The following ADAMTSL1 variants were observed in gnomAD, a reference collection of about 807,000 sequenced individuals.
ADAMTSL1 encodes ADAMTS-like protein 1.
ADAMTSL1 carries 126 observed loss-of-function variants against 201.8 expected under a neutral mutation model. That is an observed-to-expected ratio of 0.62 (90% confidence interval 0.54 to 0.72). The LOEUF (loss-of-function observed/expected upper bound fraction) is 0.72. ADAMTSL1 is among the 30% of genes least tolerant of loss of function. ADAMTSL1 has a pLI of 0.00. For missense variants in ADAMTSL1, 2,679 were observed against 2,277.8 expected (o/e 1.18, Z -3.59); for synonymous variants, 1,121 against 903.4 (o/e 1.24, Z -4.32).
chr9:18,203,463 G>T (rs762249913), intron 2 of ADAMTSL1, among the ~76,000 whole-genome samples: 9 of 151,482 alleles, frequency 5.9e-5, no homozygotes, highest in Non-Finnish European at 1.3e-4. Context: ...GACTAGTATA[G>T]AAAGGCAGGC....
intron 4 of ADAMTSL1, among the ~76,000 whole-genome samples, chr9:18,588,933 A>G (rs1245282262): frequency 6.8e-6 from 1 of 147,418 alleles, no homozygotes; most frequent in East Asian, 2.0e-4. Flanking sequence ...TTTTTGAGAC[A>G]GAGTCTCACT....
chr9:18,130,953 T>C (rs1453083343), intron 1 of ADAMTSL1, among the ~76,000 whole-genome samples: 5 of 152,140 alleles, frequency 3.3e-5, no homozygotes, highest in Non-Finnish European at 7.3e-5. Flanking sequence ...CTCATTTCTA[T>C]TGGAAACTAA....
intron 1 of ADAMTSL1, among the ~76,000 whole-genome samples, chr9:18,059,709 G>A (rs1822365274): frequency 1.3e-5 from 2 of 152,018 alleles, no homozygotes; most frequent in Admixed American, 6.6e-5. Flanking sequence ...ATCTTACCCG[G>A]GAATGTTTGT....
intron 2 of ADAMTSL1, among the ~76,000 whole-genome samples, chr9:18,186,852 C>G (rs1008592434): frequency 1.7e-4 from 26 of 152,020 alleles, no homozygotes; most frequent in Admixed American, 1.6e-3. Flanking sequence ...CACACACACA[C>G]ACACACACAT....
chr9:18,062,133 C>G (rs1216170157), intron 1 of ADAMTSL1, among the ~76,000 whole-genome samples: 1 of 152,188 alleles, frequency 6.6e-6, no homozygotes, highest in Non-Finnish European at 1.5e-5. Flanking sequence ...CACATAAGTT[C>G]TCTAAAGTGT....
intron 2 of ADAMTSL1, among the ~76,000 whole-genome samples, chr9:18,372,580 T>C (rs1177479560): frequency 6.6e-6 from 1 of 152,208 alleles, no homozygotes; most frequent in Non-Finnish European, 1.5e-5. Context: ...TTTCCATTAC[T>C]ACACAACCAA....
chr9:18,580,440 G>A (rs1375623442), intron 4 of ADAMTSL1, among the ~76,000 whole-genome samples: 1 of 152,116 alleles, frequency 6.6e-6, no homozygotes, highest in African/African-American at 2.4e-5. Flanking sequence ...CAGAAATAAG[G>A]CGTTGGACAT....
chr9:18,528,089 G>A (rs1303913851), intron 2 of ADAMTSL1, among the ~76,000 whole-genome samples: 2 of 152,146 alleles, frequency 1.3e-5, no homozygotes, highest in African/African-American at 4.8e-5. Context: ...CGTTGGCCAG[G>A]CTGGTCTTGA....
chr9:18,679,178 C>T (rs1295378335), intron 10 of ADAMTSL1, among the ~76,000 whole-genome samples: 4 of 152,134 alleles, frequency 2.6e-5, no homozygotes, highest in African/African-American at 9.7e-5. Context: ...AACCCGCCTA[C>T]AGAATAATTA....
chr9:18,534,654 C>A (rs758782337), intron 3 of ADAMTSL1, among the ~76,000 whole-genome samples: 2 of 152,240 alleles, frequency 1.3e-5, no homozygotes, highest in Admixed American at 1.3e-4. Flanking sequence ...GGGCTCCACC[C>A]CTGCAGCAGA....
chr9:18,034,834 A>T (rs1821123380), intron 1 of ADAMTSL1, among the ~76,000 whole-genome samples: 1 of 152,180 alleles, frequency 6.6e-6, no homozygotes, highest in Non-Finnish European at 1.5e-5. Context: ...TCTTATTTTT[A>T]TAAAGGAAAA....
intron 2 of ADAMTSL1, among the ~76,000 whole-genome samples, chr9:18,299,097 A>T (rs1833596922): frequency 6.6e-6 from 1 of 152,104 alleles, no homozygotes. Context: ...TTCTCATAAT[A>T]GCTGTGTGAC....
At chr9:18,035,593 A>C (rs1313701512) in intron 1 of ADAMTSL1, among the ~76,000 whole-genome samples, 1 of 152,128 alleles carries the variant, frequency 6.6e-6, no homozygotes, top group African/African-American at 2.4e-5. Flanking sequence ...TGCCTTAATG[A>C]CATCTAAAAT....
intron 1 of ADAMTSL1, among the ~76,000 whole-genome samples, chr9:17,959,541 C>G (rs1158933081): frequency 6.6e-6 from 1 of 152,172 alleles, no homozygotes; most frequent in African/African-American, 2.4e-5. Flanking sequence ...TCACTGCAAC[C>G]TCTGCCTCCC....
At chr9:18,436,261 T>G (rs1587205361) in intron 2 of ADAMTSL1, among the ~76,000 whole-genome samples, 1 of 151,920 alleles carries the variant, frequency 6.6e-6, no homozygotes, top group Admixed American at 6.6e-5. Flanking sequence ...TAGGAGGAGG[T>G]GTCCAGCCAC....
chr9:18,228,845 T>G (rs1269547075), intron 2 of ADAMTSL1, among the ~76,000 whole-genome samples: 1 of 149,720 alleles, frequency 6.7e-6, no homozygotes, highest in Non-Finnish European at 1.5e-5. Context: ...TTTTTTTGTT[T>G]TTTTTTTTTT....
chr9:18,441,504 CT>C (rs1049166114), intron 2 of ADAMTSL1, among the ~76,000 whole-genome samples: 51 of 152,180 alleles, frequency 3.4e-4, no homozygotes, highest in African/African-American at 1.1e-3. Context: ...AGATCCAGTG[CT>C]TTTTTTCTGT....
chr9:18,514,898 T>C (rs1564010225), intron 2 of ADAMTSL1, among the ~76,000 whole-genome samples: 3 of 152,206 alleles, frequency 2.0e-5, no homozygotes, highest in Admixed American at 2.0e-4. Flanking sequence ...AGTGTGATGT[T>C]AGCTGAGGAC....
Position 18,825,843 on chromosome 9 carries a change from ATTATGT to A in ADAMTSL1, c.3935-436_3935-431del, listed in dbSNP as rs1824519397. Among the ~76,000 whole-genome samples, 4 of 151,864 alleles carry A rather than the reference ATTATGT, an allele frequency of 2.6e-5. No homozygotes were observed. The South Asian group carries it at 8.3e-4, about 32-fold the overall frequency. On this transcript the variant is annotated intron_variant, in intron 21 of 28. Transcript: ENST00000380548. ...TTGTGTCTGCCATCTCTTACTCAAC[ATTATGT>A]TTATTTCATGTAGTTTCATTTTCAC... is the stretch of plus-strand genomic sequence containing the variant.
Sources: allele counts gnomAD v4.1 joint callset (sites outside exome capture counted in the v4.1 genomes callset), GRCh38; gene constraint gnomAD v4.1.1; transcripts MANE v1.5; gene names NCBI Gene and HGNC (gene_info 2026-07-23, HGNC 2026-07-21).